Variants in CATSPER3 observed in about 807,000 individuals in gnomAD.
CATSPER3 encodes the protein cation channel sperm-associated protein 3.
CATSPER3 carries 23 observed loss-of-function variants against 36.6 expected under a neutral mutation model. The ratio of observed to expected loss-of-function variants is 0.63; its 90% CI spans 0.45 to 0.89. CATSPER3 has a LOEUF of 0.89. CATSPER3 is among the 40% of genes least tolerant of loss of function. The pLI, the probability that CATSPER3 is intolerant of heterozygous loss-of-function variation, is 0.00. For missense variants in CATSPER3, 474 were observed against 503.9 expected, an observed-to-expected ratio of 0.94 and a Z score of 0.57; for synonymous variants, 172 against 184.1, an observed-to-expected ratio of 0.93 and a Z score of 0.53.
intron 3 of CATSPER3, among the ~76,000 whole-genome samples, chr5:135,004,119 A>G (rs1048721028): frequency 2.6e-5 from 4 of 152,188 alleles, no homozygotes; most frequent in Non-Finnish European, 5.9e-5. Flanking sequence ...TTTGGTAAAG[A>G]GGGGTCCCCC....
In CATSPER3 at chr5:134,970,568, A is replaced by ATT. The variant is rs35264342; in HGVS notation, c.252+496_252+497dup. Among the ~76,000 whole-genome samples the ATT allele has an allele frequency of 4.2e-3, 520 of 124,170 alleles. 8 individuals carry two copies. Among genetic ancestry groups the ATT allele is most frequent in the African/African-American group, 9.0e-3 (295 of 32,942 alleles). 81.5% of individuals were successfully genotyped at this position (124,170 alleles called of 152,430 possible). On this transcript the variant is annotated intron_variant, in intron 2 of 7. Coordinates refer to ENST00000282611, the MANE Select transcript of CATSPER3 (RefSeq NM_178019.3). ...AAGAGCAGCAGTGGTGACATGGTGG[A>ATT]TTTTTTTTTTTTTTTTTTTTTGAGA...
chr5:134,975,954 A>G (rs923119439), intron 2 of CATSPER3, among the ~76,000 whole-genome samples: 8 of 152,238 alleles, frequency 5.3e-5, no homozygotes, highest in Non-Finnish European at 1.2e-4. Flanking sequence ...ACAAAGGACA[A>G]AATCCTGTCA....
intron 4 of CATSPER3, 93 bp downstream of exon 4, chr5:135,008,232 G>T (rs927413957): frequency 2.8e-6 from 3 of 1,055,504 alleles, no homozygotes; most frequent in Non-Finnish European, 4.4e-6. Context: ...CCTCACATGG[G>T]GCTTTCCTCA....
chr5:134,992,364 G>T (rs1035704667), intron 2 of CATSPER3, among the ~76,000 whole-genome samples: 13 of 152,024 alleles, frequency 8.6e-5, no homozygotes, highest in African/African-American at 2.4e-4. Flanking sequence ...TAGTCGTTAG[G>T]GAAATGCAAA....
At chr5:134,968,692 GAAAAA>G (rs544585456) in intron 1 of CATSPER3, 1 of 114,956 alleles carries the variant, frequency 8.7e-6, no homozygotes, top group Non-Finnish European at 1.9e-5. Context: ...CTCTGTCTCA[GAAAAA>G]AAAAAAAAGA....
chr5:134,977,362 ATTCCCT>A (rs1198283092), intron 2 of CATSPER3, among the ~76,000 whole-genome samples: 1 of 152,210 alleles, frequency 6.6e-6, no homozygotes, highest in South Asian at 2.1e-4. Context: ...CTTCCGCTAG[ATTCCCT>A]AAGTCATCAC....
intron 2 of CATSPER3, 22 bp downstream of exon 2, chr5:134,970,114 A>G: frequency 2.5e-6 from 4 of 1,609,356 alleles, no homozygotes; most frequent in Non-Finnish European, 2.5e-6. Flanking sequence ...AAATGGGTCC[A>G]TTTTCTTCTT....
Position 134,995,976 on chromosome 5 carries a change from T to A in CATSPER3, c.253-297T>A. The stretch of plus-strand genomic sequence containing the variant: ...GACCTTCCCTTGGGAAACCTTATAT[T>A]CAGGTTGAGTTGCAGTATGCTAGAG... On this transcript the variant is annotated intron_variant, in intron 2 of 7. Transcript: ENST00000282611. 3 of 469,418 alleles carry A rather than the reference T, an allele frequency of 6.4e-6. No homozygotes were observed. The South Asian group carries it at 6.6e-5, about 10-fold the overall frequency. The allele number at this position is 469,418 out of a possible 1,614,324, so 29.1% of individuals were successfully genotyped here.
intron 2 of CATSPER3, among the ~76,000 whole-genome samples, chr5:134,980,283 A>G (rs1004865029): frequency 1.4e-5 from 2 of 147,510 alleles, no homozygotes; most frequent in African/African-American, 5.0e-5. Flanking sequence ...TGCCTAGCCT[A>G]TCTTCTTCCT....
intron 2 of CATSPER3, among the ~76,000 whole-genome samples, chr5:134,994,361 A>C (rs1384004208): frequency 6.6e-6 from 1 of 152,246 alleles, no homozygotes; most frequent in Non-Finnish European, 1.5e-5. Context: ...ATGAAAATTT[A>C]AAAATAGGAT....
intron 3 of CATSPER3, among the ~76,000 whole-genome samples, chr5:134,997,379 G>A (rs1008644016): frequency 1.3e-5 from 2 of 152,178 alleles, no homozygotes; most frequent in African/African-American, 4.8e-5. Context: ...ACAAACGCCT[G>A]CCTGTGTGTG....
chr5:135,001,042 G>C (rs1752013828), intron 3 of CATSPER3, among the ~76,000 whole-genome samples: 1 of 152,072 alleles, frequency 6.6e-6, no homozygotes, highest in Non-Finnish European at 1.5e-5. Context: ...GATCTTTCCT[G>C]CTTTCTCTTG....
intron 3 of CATSPER3, among the ~76,000 whole-genome samples, chr5:135,007,693 G>A (rs1345060084): frequency 3.9e-5 from 6 of 152,254 alleles, no homozygotes; most frequent in Non-Finnish European, 8.8e-5. Flanking sequence ...AGAATTGACT[G>A]AGGGTGGATG....
At chr5:134,973,872 A>G (rs1458825769) in intron 2 of CATSPER3, among the ~76,000 whole-genome samples, 1 of 152,196 alleles carries the variant, frequency 6.6e-6, no homozygotes, top group Non-Finnish European at 1.5e-5. Flanking sequence ...GGAGGATGAT[A>G]AGGAGCTAAT....
In CATSPER3 at chr5:135,006,845, A is replaced by T. The variant is rs1027109009; in HGVS notation, c.493-1112A>T. 4.7e-3 allele frequency among the ~76,000 whole-genome samples: 506 copies of T among 107,812 alleles called. 4 individuals carry two copies. Among genetic ancestry groups the T allele is most frequent in the African/African-American group, 0.014 (480 of 35,282 alleles). 70.7% of individuals were successfully genotyped at this position (107,812 alleles called of 152,430 possible). A position where few individuals can be genotyped will look rare whatever the true frequency, so the allele number is the denominator to read the frequency against. ...AGAGCGACTCCGTCTCGAAAAAAAA[A>T]AAAAATAATAATAATAATAATAATA... On this transcript the variant is annotated intron_variant, in intron 3 of 7. Coordinates refer to ENST00000282611, the MANE Select transcript of CATSPER3 (RefSeq NM_178019.3).
At chr5:135,010,589 C>G in intron 7 of CATSPER3, 59 bp downstream of exon 7, 1 of 1,500,346 alleles carries the variant, frequency 6.7e-7, no homozygotes, top group Non-Finnish European at 9.3e-7. Context: ...TGGGCTGTGT[C>G]AGGTGCCCTG....
intron 2 of CATSPER3, among the ~76,000 whole-genome samples, chr5:134,976,770 G>A (rs1329297073): frequency 6.6e-6 from 1 of 152,226 alleles, no homozygotes; most frequent in Non-Finnish European, 1.5e-5. Context: ...GAAATCTAGG[G>A]GAAAGCTGCT....
chr5:134,969,878 A>T (rs1385448406), intron 1 of CATSPER3, 61 bp from the exon 2 acceptor site: 18 of 1,573,746 alleles, frequency 1.1e-5, no homozygotes, highest in Non-Finnish European at 1.5e-5. Context: ...AAAGGTATGC[A>T]TTTTATGGGG....
intron 3 of CATSPER3, among the ~76,000 whole-genome samples, chr5:134,997,516 A>G (rs1006917320): frequency 1.3e-4 from 20 of 152,022 alleles, no homozygotes; most frequent in Non-Finnish European, 1.9e-4. Flanking sequence ...TGTTTTCCCT[A>G]CACTCCAGAA....
Sources: allele counts gnomAD v4.1 joint callset (sites outside exome capture counted in the v4.1 genomes callset), GRCh38; gene constraint gnomAD v4.1.1; transcripts MANE v1.5; gene names NCBI Gene and HGNC (gene_info 2026-07-23, HGNC 2026-07-21).